Variants in ACVR1 observed in about 807,000 individuals in gnomAD.
The protein encoded by ACVR1 is activin receptor type-1.
ACVR1 carries 38 observed loss-of-function variants against 57.1 expected under a neutral mutation model. That is an observed-to-expected ratio of 0.67 (90% CI 0.51 to 0.87). The LOEUF is 0.87. Among genes scored for constraint, ACVR1 ranks in the 40% least tolerant of loss-of-function variants. The probability of loss-of-function intolerance (pLI) is 0.00; values close to 1 mark genes in which losing one functional copy is unlikely to be tolerated. For synonymous variants in ACVR1, 212 were observed against 228.1 expected, an observed-to-expected ratio of 0.93 and a Z score of 0.63; for missense variants, 463 against 638.2, an observed-to-expected ratio of 0.73 and a Z score of 2.96.
intron 2 of ACVR1, among the ~76,000 whole-genome samples, chr2:157,803,000 T>C (rs112273447): frequency 1.3e-5 from 2 of 152,186 alleles, no homozygotes; most frequent in African/African-American, 2.4e-5. Context: ...CAGAGAGACC[T>C]GCAAAGGAAT....
chr2:157,812,079 T>G (rs574895222), intron 2 of ACVR1, among the ~76,000 whole-genome samples: 1 of 152,064 alleles, frequency 6.6e-6, no homozygotes, highest in South Asian at 2.1e-4. Flanking sequence ...AATGAACTCA[T>G]GAAGTATTTT....
In ACVR1 at chr2:157,737,413, C is replaced by G. The variant is rs1684575322; in HGVS notation, c.*118G>C. Reference sequence around the variant, plus strand: ...GGGTACGACGTCTGCCTTGTCAAAGCAGCCATTTGGGGAGGGAGACAGATG... The same window carrying G: ...GGGTACGACGTCTGCCTTGTCAAAGGAGCCATTTGGGGAGGGAGACAGATG... On this transcript the variant is annotated 3_prime_UTR_variant, in exon 11 of 11. Coordinates refer to ENST00000434821, the MANE Select transcript of ACVR1 (RefSeq NM_001111067.4). The G allele has an allele frequency of 2.9e-6, 4 of 1,368,518 alleles. No homozygotes were observed. The highest frequency in any genetic ancestry group is 1.4e-5 in the African/African-American group (1 of 69,302). 84.8% of individuals were successfully genotyped at this position (1,368,518 alleles called of 1,614,324 possible). A position where few individuals can be genotyped will look rare whatever the true frequency, so the allele number is the denominator to read the frequency against.
At position 157,766,107 on chromosome 2, in the gene ACVR1, A is replaced by C; in HGVS notation, c.880T>G (p.Tyr294Asp). 1 of 1,614,174 alleles carries C rather than the reference A, an allele frequency of 6.2e-7. No individual in the cohort carries two copies. The highest frequency in any genetic ancestry group is 8.5e-7 in the Non-Finnish European group (1 of 1,180,002). Residue 294 changes from tyrosine (Y) to aspartate (D), a missense_variant, in exon 8 of 11, where the codon TAT becomes GAT. Physicochemically the swap from Tyr to Asp is radical, Grantham distance 160 (BLOSUM62 -3). Transcript: ENST00000434821. ...HYHEMGSLYD[Y>D]LQLTTLDTVS... ...GTATCCAGAGTAGTAAGCTGAAGAT[A>C]GTCGTACAACGATCCCATTTCATGA... is the stretch of plus-strand genomic sequence containing the variant.
intron 2 of ACVR1, among the ~76,000 whole-genome samples, chr2:157,809,561 T>C (rs113987270): frequency 6.6e-6 from 1 of 152,102 alleles, no homozygotes; most frequent in African/African-American, 2.4e-5. Flanking sequence ...TCTGGATGGA[T>C]ACCGGGTGGA....
intron 1 of ACVR1, among the ~76,000 whole-genome samples, chr2:157,855,933 G>T (rs940897373): frequency 6.6e-6 from 1 of 151,824 alleles, no homozygotes; most frequent in Non-Finnish European, 1.5e-5. Context: ...TCTCTTCAAT[G>T]ACTAAAAAGT....
intron 1 of ACVR1, among the ~76,000 whole-genome samples, chr2:157,830,740 A>G (rs944121618): frequency 6.6e-6 from 1 of 152,020 alleles, no homozygotes; most frequent in African/African-American, 2.4e-5. Flanking sequence ...CACCAAAAAA[A>G]AAAAAAAAAA....
At chr2:157,841,887 C>T (rs1025090308) in intron 1 of ACVR1, among the ~76,000 whole-genome samples, 2 of 151,534 alleles carry the variant, frequency 1.3e-5, no homozygotes, top group Non-Finnish European at 2.9e-5. Flanking sequence ...ATTAGCTGGG[C>T]GTTGTGGCAG....
intron 3 of ACVR1, among the ~76,000 whole-genome samples, chr2:157,795,192 A>G (rs1369092577): frequency 6.6e-6 from 1 of 152,154 alleles, no homozygotes; most frequent in Non-Finnish European, 1.5e-5. Context: ...GCAGTAGACA[A>G]GCTACACTGC....
chr2:157,757,035 TATATATATAA>T (rs916540705), intron 9 of ACVR1, among the ~76,000 whole-genome samples: 8 of 130,522 alleles, frequency 6.1e-5, no homozygotes, highest in African/African-American at 2.6e-4. Context: ...TATATATATA[TATATATATAA>T]AATAGAATAC....
At chr2:157,826,394 GCTCATAC>G (rs1195075440) in intron 1 of ACVR1, 1 of 152,138 alleles carries the variant, frequency 6.6e-6, no homozygotes, top group Non-Finnish European at 1.5e-5. Context: ...GAGCACAGTG[GCTCATAC>G]CTATAATCCC....
intron 3 of ACVR1, among the ~76,000 whole-genome samples, chr2:157,791,669 G>A (rs1686917610): frequency 6.6e-6 from 1 of 152,196 alleles, no homozygotes; most frequent in Admixed American, 6.5e-5. Flanking sequence ...AAGACATAGT[G>A]AAACAGAGGA....
chr2:157,836,914 G>T (rs1287647233), intron 1 of ACVR1, among the ~76,000 whole-genome samples: 1 of 152,184 alleles, frequency 6.6e-6, no homozygotes, highest in African/African-American at 2.4e-5. Flanking sequence ...ACTGTAATTA[G>T]GTGGAATAAA....
chr2:157,836,558 C>T (rs376009366), intron 1 of ACVR1, among the ~76,000 whole-genome samples: 7 of 152,302 alleles, frequency 4.6e-5, no homozygotes, highest in South Asian at 2.1e-4. Flanking sequence ...CTGAGCTCTT[C>T]GCCAGGTACT....
chr2:157,784,531 T>C (rs746915136), intron 3 of ACVR1, among the ~76,000 whole-genome samples: 33 of 152,244 alleles, frequency 2.2e-4, no homozygotes, highest in Non-Finnish European at 4.4e-4. Flanking sequence ...CCCACATTGT[T>C]TGTTCTAGAA....
At chr2:157,749,701 C>T (rs561070627) in intron 9 of ACVR1, among the ~76,000 whole-genome samples, 2 of 152,308 alleles carry the variant, frequency 1.3e-5, no homozygotes, top group South Asian at 2.1e-4. Flanking sequence ...TCTACAGGCA[C>T]GATCAGGGGG....
At chr2:157,844,758 T>C (rs1197024744) in intron 1 of ACVR1, among the ~76,000 whole-genome samples, 1 of 152,034 alleles carries the variant, frequency 6.6e-6, no homozygotes, top group Non-Finnish European at 1.5e-5. Flanking sequence ...AATTCATACA[T>C]TGGAACCTAA....
At chr2:157,857,002 C>A (rs771961894) in intron 1 of ACVR1, among the ~76,000 whole-genome samples, 1 of 151,998 alleles carries the variant, frequency 6.6e-6, no homozygotes, top group Non-Finnish European at 1.5e-5. Context: ...AGTTCAAGAC[C>A]ACCCTGGGCA....
In ACVR1 at chr2:157,778,257, G is replaced by C; in HGVS notation, c.417C>G (p.Ala139=). 6.2e-7 allele frequency: 1 copy of C among 1,614,094 alleles called. No individual in the cohort carries two copies. Among genetic ancestry groups the C allele is most frequent in the Non-Finnish European group, 8.5e-7 (1 of 1,180,004 alleles). ...TTCGGAGAGCAACTCCCAGCAGGCAGGCTAAAAGACATACTGCGAACACTA... is the reference window on the plus strand; with the variant it reads ...TTCGGAGAGCAACTCCCAGCAGGCACGCTAAAAGACATACTGCGAACACTA... The part of the protein sequence containing the change: ...LSVVFAVCLL[A]CLLGVALRKF... Residue 139 remains alanine, a synonymous_variant, in exon 5 of 11, where the codon GCC becomes GCG. Transcript: ENST00000434821.
chr2:157,867,470 G>C (rs981501978), intron 1 of ACVR1, among the ~76,000 whole-genome samples: 1 of 152,154 alleles, frequency 6.6e-6, no homozygotes, highest in Non-Finnish European at 1.5e-5. Flanking sequence ...CCGAGCCTCA[G>C]TGTCTGGGAG....
Sources: allele counts gnomAD v4.1 joint callset (sites outside exome capture counted in the v4.1 genomes callset), GRCh38; gene constraint gnomAD v4.1.1; transcripts MANE v1.5; gene names NCBI Gene and HGNC (gene_info 2026-07-23, HGNC 2026-07-21).